OR4M1: variants seen among roughly 807,000 people sequenced by gnomAD.
OR4M1 encodes olfactory receptor family 4 subfamily M member 1.
A neutral mutation model predicts 9.8 loss-of-function variants in OR4M1; 7 were observed. The observed-to-expected ratio is 0.71, with a 90% confidence interval of 0.41 to 1.34. The LOEUF (loss-of-function observed/expected upper bound fraction) is 1.34, where lower values mean the gene tolerates loss of function less well. Ranked by LOEUF, OR4M1 falls within the 40% of genes most tolerant of loss-of-function variation. The pLI, the probability that OR4M1 is intolerant of heterozygous loss-of-function variation, is 0.01. For missense variants in OR4M1, 331 were observed against 380.4 expected (o/e 0.87, Z 1.08); for synonymous variants, 121 against 139.8 (o/e 0.87, Z 0.95).
chr14:19,777,887 G>A (rs1878358479), intron 1 of OR4M1, among the ~76,000 whole-genome samples: 1 of 152,064 alleles, frequency 6.6e-6, no homozygotes, highest in Non-Finnish European at 1.5e-5. Context: ...TGGTATGTGT[G>A]TGTGTGTGTG....
At chr14:19,776,966 T>C (rs1457385184) in intron 1 of OR4M1, among the ~76,000 whole-genome samples, 1 of 144,682 alleles carries the variant, frequency 6.9e-6, no homozygotes, top group Non-Finnish European at 1.5e-5. Context: ...TCTAAACAAA[T>C]TATTCTTCTC....
At position 19,782,610 on chromosome 14, in the gene OR4M1, G is replaced by C. The variant is rs538557210; in HGVS notation, c.*1346G>C. 6.6e-6 allele frequency: 1 copy of C among 152,218 alleles called. No individual in the cohort carries two copies. The highest frequency in any genetic ancestry group is 1.5e-5 in the Non-Finnish European group (1 of 68,030). The allele number at this position is 152,218 out of a possible 1,614,324, so 9.4% of individuals were successfully genotyped here. ...GAGGAGGTAATTTATGCCAGACCCA[G>C]TGTACCTCGGATGCACAGGATGGAA... On this transcript the variant is annotated 3_prime_UTR_variant, in exon 2 of 2. Transcript: ENST00000641200.
chr14:19,781,034 G>A lies in OR4M1; in HGVS notation c.712G>A (p.Ala238Thr), dbSNP rs1201459761. ...AGGCTCAGGTGAGAATACCAACAGG[G>A]CCATGTCCACCTGCTATTCCCACAT... ...HSGSGENTNRAMSTCYSHITI... is the reference protein window; with the variant it reads ...HSGSGENTNRTMSTCYSHITI... The change falls in exon 2 of 2, where the codon GCC becomes ACC. Residue 238 changes from alanine (A) to threonine (T), a missense_variant. Coordinates refer to ENST00000641200, the MANE Select transcript of OR4M1 (RefSeq NM_001005500.2). 2 of 1,614,166 alleles carry A rather than the reference G, an allele frequency of 1.2e-6. No individual in the cohort carries two copies. The highest frequency in any genetic ancestry group is 1.1e-5 in the South Asian group (1 of 91,080).
rs1878466200 is a variant in OR4M1, at chr14:19,780,820, T to G, written c.498T>G (p.Leu166=). ...TACAGGTGGCTCTCATTGTTCGACT[T>G]CCTTTCTGTGGGCCCAATGAGTTAG... The part of the protein sequence containing the change: ...SIIQVALIVR[L]PFCGPNELDS... The change falls in exon 2 of 2, where the codon CTT becomes CTG. Residue 166 remains leucine (L), a synonymous_variant. Coordinates refer to ENST00000641200, the MANE Select transcript of OR4M1 (RefSeq NM_001005500.2). The G allele has an allele frequency of 6.2e-7, 1 of 1,614,094 alleles. No homozygotes were observed. Among genetic ancestry groups the G allele is most frequent in the Non-Finnish European group, 8.5e-7 (1 of 1,180,040 alleles).
At chr14:19,777,746 T>A (rs997029020) in intron 1 of OR4M1, among the ~76,000 whole-genome samples, 1 of 152,224 alleles carries the variant, frequency 6.6e-6, no homozygotes, top group African/African-American at 2.4e-5. Flanking sequence ...AGCTTTGTTT[T>A]GACATGCATT....
intron 1 of OR4M1, among the ~76,000 whole-genome samples, chr14:19,779,131 G>A (rs537128940): frequency 6.6e-6 from 1 of 152,216 alleles, no homozygotes; most frequent in South Asian, 2.1e-4. Context: ...TATAAATTGA[G>A]TCAGTAGGTT....
At chr14:19,780,021 A>G (rs187414641) in intron 1 of OR4M1, among the ~76,000 whole-genome samples, 106 of 152,342 alleles carry the variant, frequency 7.0e-4, no homozygotes, top group African/African-American at 2.3e-3. Context: ...GAAGTAGTGC[A>G]TTGCCGAATT....
rs1878564703 is a variant in OR4M1, at chr14:19,783,526, G to T, written c.*2262G>T. 2 of 152,312 alleles carry T rather than the reference G, an allele frequency of 1.3e-5. No individual in the cohort carries two copies. The allele number at this position is 152,312 out of a possible 1,614,324, so 9.4% of individuals were successfully genotyped here. ...GAAGAAATAGGTGTTAACCTCATAT[G>T]CAATGTTGTGTCATTGAATATTGTT... On this transcript the variant is annotated 3_prime_UTR_variant, in exon 2 of 2. Coordinates refer to ENST00000641200, the MANE Select transcript of OR4M1 (RefSeq NM_001005500.2).
At chr14:19,775,682 AT>A (rs1211039092) in intron 1 of OR4M1, among the ~76,000 whole-genome samples, 1 of 147,278 alleles carries the variant, frequency 6.8e-6, no homozygotes, top group Non-Finnish European at 1.5e-5. Context: ...AAAAGAATAT[AT>A]TAAATATATA....
intron 1 of OR4M1, among the ~76,000 whole-genome samples, chr14:19,778,908 T>C (rs1594377133): frequency 6.6e-6 from 1 of 152,330 alleles, no homozygotes; most frequent in Non-Finnish European, 1.5e-5. Flanking sequence ...TACTGGGCAA[T>C]TTATGGACAT....
rs555742026 is a variant in OR4M1, at chr14:19,775,555, T to G, written c.-30+1962T>G. On this transcript the variant is annotated intron_variant, in intron 1 of 1. Transcript: ENST00000641200. ...GCAAATATATATATAATATAATATA[T>G]ATTATAATATATAAATATGTAATAT... 8.8e-4 allele frequency among the ~76,000 whole-genome samples: 130 copies of G among 147,262 alleles called. 1 individual carries two copies. The South Asian group carries it at 0.027, about 30-fold the overall frequency.
chr14:19,781,358 CATTT>C lies in OR4M1; in HGVS notation c.*95_*98del. ...TAATGCTGCATTCACTTCCTCCGTT[CATTT>C]GTGTTCTTAAAATTTTACTATAATT... On this transcript the variant is annotated 3_prime_UTR_variant, in exon 2 of 2. Transcript: ENST00000641200. 5.4e-6 allele frequency: 6 copies of C among 1,112,050 alleles called. No individual in the cohort carries two copies. Among genetic ancestry groups the C allele is most frequent in the South Asian group, 1.8e-5 (1 of 56,692 alleles). The allele number at this position is 1,112,050 out of a possible 1,614,324, so 68.9% of individuals were successfully genotyped here. A position where few individuals can be genotyped will look rare whatever the true frequency, so the allele number is the denominator to read the frequency against.
rs548222329 is a variant in OR4M1 at position 19,780,878 on chromosome 14, C to G, written c.556C>G (p.Arg186Gly). 1 of 1,614,014 alleles carries G rather than the reference C, an allele frequency of 6.2e-7. No homozygotes were observed. The highest frequency in any genetic ancestry group is 1.3e-5 in the African/African-American group (1 of 74,902). Reference sequence around the variant, plus strand: ...CTTCTGTGACATCACACAGGTTGTCCGGATTGCCTGTGCCAACACCTTCCC... The same window carrying G: ...CTTCTGTGACATCACACAGGTTGTCGGGATTGCCTGTGCCAACACCTTCCC... ...SYFCDITQVV[R>G]IACANTFPEE... Residue 186 changes from arginine (R) to glycine (G), a missense_variant, in exon 2 of 2, where the codon CGG (arginine) becomes GGG (glycine). By Grantham distance (125) the Arg-to-Gly change is moderately radical. This residue lies in a region of OR4M1 where 122 missense variants were observed against 180.5 expected (regional missense o/e 0.68). Transcript: ENST00000641200.
Position 19,780,941 on chromosome 14 carries a change from T to C in OR4M1, c.619T>C (p.Ser207Pro), listed in dbSNP as rs558135987. ...GATGATCTGTAGTAGTGGTCTGATC[T>C]CTGTGGTGTGTTTCATTGCTCTGTT... ...LVMICSSGLI[S>P]VVCFIALLMS... Residue 207 changes from serine (S) to proline (P), a missense_variant, in exon 2 of 2, where the codon TCT (serine) becomes CCT (proline). Coordinates refer to ENST00000641200, the MANE Select transcript of OR4M1 (RefSeq NM_001005500.2). 2 of 1,614,218 alleles carry C rather than the reference T, an allele frequency of 1.2e-6. No homozygotes were observed. The highest frequency in any genetic ancestry group is 8.5e-7 in the Non-Finnish European group (1 of 1,180,014).
At chr14:19,774,072 A>T (rs1878242424) in intron 1 of OR4M1, among the ~76,000 whole-genome samples, 2 of 152,236 alleles carry the variant, frequency 1.3e-5, no homozygotes. Flanking sequence ...TGTGAAGAGG[A>T]TGGGAAAGGT....
At chr14:19,779,694 CTTGCATAGCTGTATG>C (rs1375775074) in intron 1 of OR4M1, among the ~76,000 whole-genome samples, 2 of 152,196 alleles carry the variant, frequency 1.3e-5, no homozygotes. Flanking sequence ...TATATAGGGC[CTTGCATAGCTGTATG>C]TTGTGGCTGG....
At chr14:19,777,531 C>T (rs1215682825) in intron 1 of OR4M1, among the ~76,000 whole-genome samples, 1 of 151,812 alleles carries the variant, frequency 6.6e-6, no homozygotes, top group Admixed American at 6.6e-5. Flanking sequence ...TTTTTATTTG[C>T]TTGTTTACTT....
chr14:19,778,552 G>A (rs1878376092), intron 1 of OR4M1, among the ~76,000 whole-genome samples: 2 of 152,228 alleles, frequency 1.3e-5, no homozygotes, highest in Non-Finnish European at 2.9e-5. Flanking sequence ...TAAATGAGCT[G>A]AGTAAATCAT....
intron 1 of OR4M1, among the ~76,000 whole-genome samples, chr14:19,778,914 G>A (rs1369903033): frequency 1.3e-5 from 2 of 152,152 alleles, no homozygotes. Context: ...GCAATTTATG[G>A]ACATGGGGAA....
Sources: gnomAD v4.1 joint callset for allele counts (sites outside exome capture counted in the v4.1 genomes callset) on GRCh38, gnomAD v4.1.1 for gene constraint, gnomAD v4.1.1 regional missense constraint, MANE v1.5 for transcripts, NCBI Gene and HGNC (gene_info 2026-07-23, HGNC 2026-07-21) for gene names.